The following SWT1 variants were observed in gnomAD, a reference collection of about 807,000 sequenced individuals.
The protein encoded by SWT1 is SWT1 RNA endoribonuclease homolog.
In SWT1, 33 loss-of-function variants were observed where a neutral mutation model predicts 107.3. That is an observed-to-expected ratio of 0.31 (90% CI 0.23 to 0.41). The LOEUF is 0.41. Among genes scored for constraint, SWT1 ranks in the 10% least tolerant of loss-of-function variants. The pLI, the probability that SWT1 is intolerant of heterozygous loss-of-function variation, is 1.00. For missense variants in SWT1, 898 were observed against 1,028.9 expected, an observed-to-expected ratio of 0.87 and a Z score of 1.74; for synonymous variants, 345 against 348.3, an observed-to-expected ratio of 0.99 and a Z score of 0.11.
chr1:185,166,065 A>G (rs920932903), intron 2 of SWT1, among the ~76,000 whole-genome samples: 9 of 152,126 alleles, frequency 5.9e-5, no homozygotes, highest in Admixed American at 5.9e-4. Flanking sequence ...GCATCGTCTG[A>G]CACACTAAAT....
intron 15 of SWT1, chr1:185,226,852 T>C (rs1433560620): frequency 1.3e-6 from 2 of 1,532,666 alleles, no homozygotes; most frequent in Non-Finnish European, 1.8e-6. Flanking sequence ...CTTGCCTTCT[T>C]TTGAGCTACC....
At chr1:185,176,213 A>C (rs1030445613) in intron 5 of SWT1, among the ~76,000 whole-genome samples, 1 of 143,484 alleles carries the variant, frequency 7.0e-6, no homozygotes, top group African/African-American at 2.6e-5. Flanking sequence ...ACTTGAGCCC[A>C]GGAGCTCAAG....
chr1:185,192,669 A>G (rs915770809), intron 10 of SWT1, among the ~76,000 whole-genome samples: 1 of 147,240 alleles, frequency 6.8e-6, no homozygotes, highest in African/African-American at 2.5e-5. Flanking sequence ...TTTTTTTGAG[A>G]CAGAGTCTCA....
At chr1:185,171,734 C>A in intron 4 of SWT1, 1 of 447,510 alleles carries the variant, frequency 2.2e-6, no homozygotes, top group Non-Finnish European at 4.4e-6. Flanking sequence ...GCAGAAAGGG[C>A]ATTTTTTTTT....
intron 14 of SWT1, among the ~76,000 whole-genome samples, chr1:185,219,728 T>G (rs1558050136): frequency 6.6e-6 from 1 of 152,184 alleles, no homozygotes; most frequent in Non-Finnish European, 1.5e-5. Context: ...GTAGTTTATC[T>G]CTTTTACTGT....
intron 10 of SWT1, among the ~76,000 whole-genome samples, chr1:185,191,337 T>A (rs115575610): frequency 0.012 from 1,752 of 152,248 alleles, 25 homozygotes; most frequent in African/African-American, 0.04. Flanking sequence ...TTATTCATCA[T>A]GTATGAGAAA....
intron 17 of SWT1, among the ~76,000 whole-genome samples, chr1:185,272,170 A>G (rs991511839): frequency 6.6e-6 from 1 of 152,220 alleles, no homozygotes; most frequent in African/African-American, 2.4e-5. Flanking sequence ...GCTATAATTT[A>G]GTTTCCTCTA....
chr1:185,176,403 G>A (rs1655562296), intron 5 of SWT1: 1 of 193,920 alleles, frequency 5.2e-6, no homozygotes, highest in African/African-American at 2.4e-5. Context: ...GAGGTAGAAT[G>A]GGAGAAGCCG....
chr1:185,187,039 GC>G (rs1252939826), intron 9 of SWT1, among the ~76,000 whole-genome samples: 1 of 132,002 alleles, frequency 7.6e-6, no homozygotes, highest in East Asian at 2.3e-4. Context: ...ACAGGCGTGA[GC>G]CACCGCGCCC....
chr1:185,276,626 C>T lies in SWT1; in HGVS notation c.2531C>T (p.Thr844Ile). ...CAGGTAAATAAAAATGTCAAATTTA[C>T]TGCCCAGGAAATTTATGATTGTGTT... ...KYEVNKNVKFTAQEIYDCVSQ... is the reference protein window; with the variant it reads ...KYEVNKNVKFIAQEIYDCVSQ... The change falls in exon 18 of 19, where the codon ACT becomes ATT. Residue 844 changes from threonine to isoleucine, a missense_variant. Physicochemically the swap from Thr to Ile is moderately conservative, Grantham distance 89 (BLOSUM62 -1). Coordinates refer to ENST00000367500, the MANE Select transcript of SWT1 (RefSeq NM_017673.7). 1 of 1,581,846 alleles carries T rather than the reference C, an allele frequency of 6.3e-7. No homozygotes were observed. Among genetic ancestry groups the T allele is most frequent in the Non-Finnish European group, 8.6e-7 (1 of 1,156,274 alleles).
At chr1:185,202,833 T>C (rs375430504) in intron 11 of SWT1, 34 bp downstream of exon 11, 62 of 1,209,768 alleles carry the variant, frequency 5.1e-5, no homozygotes, top group Middle Eastern at 2.2e-4. Flanking sequence ...TAGAGATATA[T>C]CTTATTTTAT....
chr1:185,231,504 T>A (rs1660503037), intron 15 of SWT1, 73 bp from the exon 16 acceptor site: 2 of 1,065,450 alleles, frequency 1.9e-6, no homozygotes. Flanking sequence ...CTTTATACAT[T>A]TGCAGCTGAA....
At position 185,221,956 on chromosome 1, in the gene SWT1, T is replaced by A. The variant is rs1458506344; in HGVS notation, c.2229T>A (p.Ser743Arg). 2.2e-5 allele frequency: 36 copies of A among 1,612,850 alleles called. No homozygotes were observed. Among genetic ancestry groups the A allele is most frequent in the Non-Finnish European group, 3.0e-5 (35 of 1,179,462 alleles). ...SHNQEITVFS[S>R]SHLPQPSRHQ... ...ATCAAGAAATCACTGTTTTCTCGAGTTCTCATCTTCCCCAACCCAGCAGGC... is the reference window on the plus strand; with the variant it reads ...ATCAAGAAATCACTGTTTTCTCGAGATCTCATCTTCCCCAACCCAGCAGGC... Residue 743 changes from serine (S) to arginine (R), a missense_variant, in exon 15 of 19, where the codon AGT becomes AGA. This residue lies in a region of SWT1 where 382 missense variants were observed against 460.0 expected (regional missense o/e 0.83). Coordinates refer to ENST00000367500, the MANE Select transcript of SWT1 (RefSeq NM_017673.7).
At chr1:185,245,639 A>G (rs963057625) in intron 16 of SWT1, among the ~76,000 whole-genome samples, 1 of 152,200 alleles carries the variant, frequency 6.6e-6, no homozygotes, top group Non-Finnish European at 1.5e-5. Flanking sequence ...CTGGCACTGC[A>G]GTAGGTTTAT....
chr1:185,232,758 A>C (rs1249966437), intron 16 of SWT1, among the ~76,000 whole-genome samples: 1 of 152,186 alleles, frequency 6.6e-6, no homozygotes, highest in African/African-American at 2.4e-5. Context: ...ATTGCATACT[A>C]TACCACCTTC....
At chr1:185,187,175 C>T (rs777624139) in intron 9 of SWT1, among the ~76,000 whole-genome samples, 1 of 150,768 alleles carries the variant, frequency 6.6e-6, no homozygotes, top group South Asian at 2.1e-4. Flanking sequence ...TCTCGTGCCT[C>T]AGCCTCCTAG....
intron 16 of SWT1, among the ~76,000 whole-genome samples, chr1:185,236,336 A>G (rs1182920936): frequency 6.6e-6 from 1 of 152,230 alleles, no homozygotes; most frequent in East Asian, 1.9e-4. Flanking sequence ...AGGCTACAGT[A>G]ACAAAAACAG....
intron 16 of SWT1, among the ~76,000 whole-genome samples, chr1:185,265,394 A>G (rs1229331985): frequency 6.6e-6 from 1 of 152,232 alleles, no homozygotes; most frequent in East Asian, 1.9e-4. Context: ...CTTGTAATAA[A>G]TAATCCCCCC....
chr1:185,175,093 T>G lies in SWT1; in HGVS notation c.946T>G (p.Ser316Ala). The G allele has an allele frequency of 1.3e-6, 2 of 1,559,076 alleles. No homozygotes were observed. The highest frequency in any genetic ancestry group is 1.7e-6 in the Non-Finnish European group (2 of 1,155,170). Reference protein sequence around the residue: ...YDHQESNDSHSRENLTQSFEA... With the variant: ...YDHQESNDSHARENLTQSFEA... ...CCATCAAGAAAGTAATGATTCACAT[T>G]CTAGGGAAAACCTAACCCAGGTAAG... Residue 316 changes from serine (S) to alanine (A), a missense_variant, in exon 5 of 19, where the codon TCT (serine) becomes GCT (alanine). Around this residue, in one of 6 missense-constraint regions of SWT1, gnomAD observed 382 missense variants for 362.4 expected, o/e 1.05. Transcript: ENST00000367500.
Sources: gnomAD v4.1 joint callset for allele counts (sites outside exome capture counted in the v4.1 genomes callset) on GRCh38, gnomAD v4.1.1 for gene constraint, gnomAD v4.1.1 regional missense constraint, MANE v1.5 for transcripts, NCBI Gene and HGNC (gene_info 2026-07-23, HGNC 2026-07-21) for gene names.